VPS13B: variants seen among roughly 807,000 people sequenced by gnomAD.
The protein encoded by VPS13B is vacuolar protein sorting 13 homolog B, also known as intermembrane lipid transfer protein VPS13B.
In VPS13B, 285 loss-of-function variants were observed where a neutral mutation model predicts 426.4. That is an observed-to-expected ratio of 0.67 (90% CI 0.61 to 0.74). VPS13B has a LOEUF of 0.74. Ranked by LOEUF, VPS13B falls within the 30% of genes least tolerant of loss-of-function variation. The probability of loss-of-function intolerance (pLI) is 0.00; values close to 1 mark genes in which losing one functional copy is unlikely to be tolerated. For synonymous variants in VPS13B, 1,676 were observed against 1,676.4 expected, an observed-to-expected ratio of 1.00 and a Z score of 0.01; for missense variants, 4,537 against 4,782.6, an observed-to-expected ratio of 0.95 and a Z score of 1.51.
intron 32 of VPS13B, among the ~76,000 whole-genome samples, chr8:99,576,935 T>C (rs923464568): frequency 4.6e-5 from 7 of 152,158 alleles, no homozygotes; most frequent in African/African-American, 1.7e-4. Context: ...GAGTATATCC[T>C]TTGGAGAATA....
chr8:99,215,132 A>T (rs1397583086), intron 17 of VPS13B, among the ~76,000 whole-genome samples: 1 of 152,176 alleles, frequency 6.6e-6, no homozygotes, highest in African/African-American at 2.4e-5. Flanking sequence ...ACTTTGCAGA[A>T]TGTCTAAAGA....
intron 35 of VPS13B, among the ~76,000 whole-genome samples, chr8:99,687,653 C>T (rs1831473668): frequency 6.6e-6 from 1 of 151,966 alleles, no homozygotes; most frequent in Non-Finnish European, 1.5e-5. Flanking sequence ...ACTACTCTCT[C>T]CCGCCCACAA....
intron 33 of VPS13B, among the ~76,000 whole-genome samples, chr8:99,583,327 T>C (rs1826164273): frequency 1.3e-5 from 2 of 152,200 alleles, no homozygotes; most frequent in South Asian, 4.1e-4. Context: ...AATATCTTTA[T>C]TCTTTCATTC....
At chr8:99,468,675 G>A (rs3134158) in intron 24 of VPS13B, among the ~76,000 whole-genome samples, 26,431 of 151,870 alleles carry the variant, frequency 0.17, 2,826 homozygotes, top group East Asian at 0.38. Context: ...GATTGCACCC[G>A]GGAATAGCCA....
chr8:99,553,689 G>T (rs900834811), intron 30 of VPS13B, among the ~76,000 whole-genome samples: 1 of 151,996 alleles, frequency 6.6e-6, no homozygotes, highest in Non-Finnish European at 1.5e-5. Context: ...TAAATCAGCT[G>T]CTTATCCTAC....
At chr8:99,631,770 A>G (rs1006129535) in intron 33 of VPS13B, among the ~76,000 whole-genome samples, 2 of 151,840 alleles carry the variant, frequency 1.3e-5, no homozygotes, top group African/African-American at 4.8e-5. Flanking sequence ...TCCCCCTAGA[A>G]CGTAAACTTC....
At chr8:99,027,729 TTTTTTATTTTTTTATTTTTTA>T (rs1842212427) in intron 2 of VPS13B, among the ~76,000 whole-genome samples, 1 of 151,940 alleles carries the variant, frequency 6.6e-6, no homozygotes, top group African/African-American at 2.4e-5. Flanking sequence ...TTTTTTTTAT[TTTTTTATTTTTTTATTTTTTA>T]TTTTTATTTT....
Position 99,642,185 on chromosome 8 carries a change from A to G in VPS13B, c.5595A>G (p.Ala1865=). 1 of 1,614,190 alleles carries G rather than the reference A, an allele frequency of 6.2e-7. No homozygotes were observed. Among genetic ancestry groups the G allele is most frequent in the Non-Finnish European group, 8.5e-7 (1 of 1,180,032 alleles). The change falls in exon 34 of 62, where the codon GCA becomes GCG. Residue 1865 remains alanine, a synonymous_variant. Coordinates refer to ENST00000357162, the MANE Select transcript of VPS13B (RefSeq NM_152564.5). ...VDSDVAKPNQ[A]CISTVTAEDL... ...CAGATGTTGCTAAGCCCAACCAGGC[A>G]TGTATTTCCACGGTGACAGCAGAAG...
Position 99,575,760 on chromosome 8 carries a change from T to C in VPS13B, c.5052T>C (p.Val1684=). The change falls in exon 32 of 62, where the codon GTT becomes GTC. Residue 1684 remains valine, a synonymous_variant. Coordinates refer to ENST00000357162, the MANE Select transcript of VPS13B (RefSeq NM_152564.5). The stretch of plus-strand genomic sequence containing the variant: ...CTGCTGTCATTTTCACCAAAGTAGT[T>C]TCTCCAGAAAATTTGCATACTGAGG... ...GAPAVIFTKV[V]SPENLHTEEI... The C allele has an allele frequency of 6.2e-7, 1 of 1,613,784 alleles. No homozygotes were observed. Among genetic ancestry groups the C allele is most frequent in the South Asian group, 1.1e-5 (1 of 91,070 alleles).
At chr8:99,014,668 T>C (rs1225695114) in intron 2 of VPS13B, among the ~76,000 whole-genome samples, 2 of 148,266 alleles carry the variant, frequency 1.3e-5, no homozygotes, top group Admixed American at 6.7e-5. Flanking sequence ...GGTGGCTGGC[T>C]TGTGGGGGTC....
intron 25 of VPS13B, among the ~76,000 whole-genome samples, chr8:99,487,073 G>C (rs1190078890): frequency 1.3e-5 from 2 of 148,802 alleles, no homozygotes; most frequent in Non-Finnish European, 3.0e-5. Flanking sequence ...CACTTCCTCT[G>C]TCTCCTGCCA....
At chr8:99,821,049 TA>T (rs71572044) in intron 49 of VPS13B, among the ~76,000 whole-genome samples, 110 of 110,176 alleles carry the variant, frequency 1.0e-3, no homozygotes, top group Non-Finnish European at 1.0e-3. Flanking sequence ...CCATTGTGAG[TA>T]AAAAAAAAAA....
At chr8:99,079,297 T>C (rs1216744978) in intron 3 of VPS13B, among the ~76,000 whole-genome samples, 1 of 151,986 alleles carries the variant, frequency 6.6e-6, no homozygotes, top group Non-Finnish European at 1.5e-5. Flanking sequence ...TCATGGTGTG[T>C]CTGATTATCA....
intron 51 of VPS13B, among the ~76,000 whole-genome samples, chr8:99,829,062 C>T (rs1814892846): frequency 6.6e-6 from 1 of 152,172 alleles, no homozygotes; most frequent in Non-Finnish European, 1.5e-5. Context: ...CTTGGTGAAT[C>T]TGACGATTAA....
rs727504218 is a variant in VPS13B, at chr8:99,720,884, T to C, written c.6887T>C (p.Val2296Ala). 9 of 1,613,670 alleles carry C rather than the reference T, an allele frequency of 5.6e-6. No individual in the cohort carries two copies. The South Asian group carries it at 7.7e-5, about 14-fold the overall frequency. Residue 2296 changes from valine to alanine, a missense_variant, in exon 39 of 62, where the codon GTC (valine) becomes GCC (alanine). Val to Ala is a moderately conservative substitution (Grantham distance 64). Transcript: ENST00000357162. Reference sequence around the variant, plus strand: ...ACAGAATCTTTGAAATTGCCTGGGGTCTATGAAGTCTTATTTTATAATGAA... The same window carrying C: ...ACAGAATCTTTGAAATTGCCTGGGGCCTATGAAGTCTTATTTTATAATGAA... ...QDAESLKLPG[V>A]YEVLFYNETE...
At chr8:99,771,807 T>C (rs537407331) in intron 40 of VPS13B, among the ~76,000 whole-genome samples, 1 of 152,352 alleles carries the variant, frequency 6.6e-6, no homozygotes, top group South Asian at 2.1e-4. Context: ...TTTAGTGTTA[T>C]AAGCCATTTA....
intron 58 of VPS13B, among the ~76,000 whole-genome samples, chr8:99,863,485 A>G (rs1042675781): frequency 6.6e-6 from 1 of 151,652 alleles, no homozygotes; most frequent in Non-Finnish European, 1.5e-5. Flanking sequence ...CTAGGCAAAG[A>G]GAGAGAGAGA....
At chr8:99,563,825 A>C (rs1054308048) in intron 31 of VPS13B, among the ~76,000 whole-genome samples, 4 of 152,232 alleles carry the variant, frequency 2.6e-5, no homozygotes, top group African/African-American at 9.6e-5. Context: ...GTGAATGTTT[A>C]TGAAAGATAT....
chr8:99,080,873 A>G (rs942296615), intron 3 of VPS13B, among the ~76,000 whole-genome samples: 2 of 152,072 alleles, frequency 1.3e-5, no homozygotes, highest in African/African-American at 4.8e-5. Flanking sequence ...CTATTTCACC[A>G]TCTTCTTCTT....
Sources: gnomAD v4.1 joint callset for allele counts (sites outside exome capture counted in the v4.1 genomes callset) on GRCh38, gnomAD v4.1.1 for gene constraint, MANE v1.5 for transcripts, NCBI Gene and HGNC (gene_info 2026-07-23, HGNC 2026-07-21) for gene names.